KCNQ4: variants seen among roughly 807,000 people sequenced by gnomAD.
The protein encoded by KCNQ4 is potassium voltage-gated channel subfamily Q member 4, also known as potassium voltage-gated channel subfamily KQT member 4.
KCNQ4 carries 31 observed loss-of-function variants against 72.6 expected under a neutral mutation model. The observed-to-expected ratio is 0.43, with a 90% CI of 0.32 to 0.58. The LOEUF (loss-of-function observed/expected upper bound fraction) is 0.58. Among genes scored for constraint, KCNQ4 ranks in the 20% least tolerant of loss-of-function variants. The pLI, the probability that KCNQ4 is intolerant of heterozygous loss-of-function variation, is 0.08. For synonymous variants in KCNQ4, 405 were observed against 403.7 expected, an observed-to-expected ratio of 1.00 and a Z score of -0.04; for missense variants, 869 against 962.6, an observed-to-expected ratio of 0.90 and a Z score of 1.29.
chr1:40,837,685 G>T lies in KCNQ4; in HGVS notation c.1766G>T (p.Arg589Leu). The change falls in exon 13 of 14, where the codon CGG (arginine) becomes CTG (leucine). Residue 589 changes from arginine (R) to leucine (L), a missense_variant. This residue lies in a region of KCNQ4 where 480 missense variants were observed against 501.9 expected (regional missense o/e 0.96). Coordinates refer to ENST00000347132, the MANE Select transcript of KCNQ4 (RefSeq NM_004700.4). ...CTTAGGGTGGACCAAATTGTGGGTC[G>T]GGGGCCCGGGGACAGGAAGGCCCGG... is the stretch of plus-strand genomic sequence containing the variant. ...LQTRVDQIVG[R>L]GPGDRKAREK... The T allele has an allele frequency of 6.2e-7, 1 of 1,613,076 alleles. No individual in the cohort carries two copies. The highest frequency in any genetic ancestry group is 1.1e-5 in the South Asian group (1 of 90,902).
In KCNQ4 at chr1:40,815,539, A is replaced by T. The variant is rs569171794; in HGVS notation, c.315-1726A>T. 5.3e-5 allele frequency among the ~76,000 whole-genome samples: 8 copies of T among 152,196 alleles called. No individual in the cohort carries two copies. The South Asian group carries it at 1.2e-3, about 24-fold the overall frequency. On this transcript the variant is annotated intron_variant, in intron 1 of 13. Coordinates refer to ENST00000347132, the MANE Select transcript of KCNQ4 (RefSeq NM_004700.4). The stretch of plus-strand genomic sequence containing the variant: ...TTGTGATTAATTATTGAACATGAGG[A>T]GCTGGTGCTCTTCTCTTCTGTTCTC...
At chr1:40,820,121 C>A in intron 6 of KCNQ4, 44 bp from the exon 7 acceptor site, 1 of 1,564,470 alleles carries the variant, frequency 6.4e-7, no homozygotes. Flanking sequence ...CTTACTGCCC[C>A]ACCACTGCCA....
intron 1 of KCNQ4, among the ~76,000 whole-genome samples, chr1:40,800,032 T>C (rs1030718296): frequency 6.6e-6 from 1 of 152,114 alleles, no homozygotes; most frequent in African/African-American, 2.4e-5. Flanking sequence ...CTGTACATGG[T>C]CCTCCTTGCT....
chr1:40,820,824 C>T (rs145211743), intron 7 of KCNQ4, among the ~76,000 whole-genome samples: 2 of 152,290 alleles, frequency 1.3e-5, no homozygotes, highest in East Asian at 1.9e-4. Flanking sequence ...TCCCTCTGTG[C>T]CATGGCGTGT....
chr1:40,807,265 A>G (rs1570815192), intron 1 of KCNQ4, among the ~76,000 whole-genome samples: 1 of 151,394 alleles, frequency 6.6e-6, no homozygotes, highest in African/African-American at 2.4e-5. Flanking sequence ...TCTCCTTTCT[A>G]CCCCACTGCT....
At chr1:40,802,804 C>A (rs1647624818) in intron 1 of KCNQ4, among the ~76,000 whole-genome samples, 1 of 152,188 alleles carries the variant, frequency 6.6e-6, no homozygotes, top group African/African-American at 2.4e-5. Flanking sequence ...CAGGGGAGAC[C>A]CCTGCCTCCA....
In KCNQ4 at chr1:40,784,535, C is replaced by T; in HGVS notation, c.314+128C>T. The T allele has an allele frequency of 2.3e-6, 2 of 875,878 alleles. No homozygotes were observed. Among genetic ancestry groups the T allele is most frequent in the Non-Finnish European group, 3.7e-6 (2 of 541,880 alleles). The allele number at this position is 875,878 out of a possible 1,614,324, so 54.3% of individuals were successfully genotyped here. A position where few individuals can be genotyped will look rare whatever the true frequency, so the allele number is the denominator to read the frequency against. Reference sequence around the variant, plus strand: ...GGGCCGACCCTCATCTCTCTCCCCCCAGGCCTAAGCCCGGTTTCTGATCCC... The same window carrying T: ...GGGCCGACCCTCATCTCTCTCCCCCTAGGCCTAAGCCCGGTTTCTGATCCC... On this transcript the variant is annotated intron_variant, in intron 1 of 13. Coordinates refer to ENST00000347132, the MANE Select transcript of KCNQ4 (RefSeq NM_004700.4). This position sits in a 1 kb window ranked among gnomAD's most constrained non-coding sequence, Gnocchi z 4.1.
chr1:40,836,172 G>A (rs1169330809), intron 12 of KCNQ4, among the ~76,000 whole-genome samples: 1 of 152,184 alleles, frequency 6.6e-6, no homozygotes, highest in African/African-American at 2.4e-5. Flanking sequence ...GAGACCGTGG[G>A]GACTTGGAAC....
Position 40,788,335 on chromosome 1 carries a change from G to A in KCNQ4, c.314+3928G>A, listed in dbSNP as rs1437677580. Among the ~76,000 whole-genome samples, 1 of 152,182 alleles carries A rather than the reference G, an allele frequency of 6.6e-6. No individual in the cohort carries two copies. The highest frequency in any genetic ancestry group is 2.4e-5 in the African/African-American group (1 of 41,424). On this transcript the variant is annotated intron_variant, in intron 1 of 13. Transcript: ENST00000347132. The surrounding 1 kb of genome is among the most constrained non-coding windows in gnomAD (Gnocchi z 4.5). The stretch of plus-strand genomic sequence containing the variant: ...CAGAGACCTCAGCTGGGCTAGGCCA[G>A]GGCAGAGAGTTGAAATTGCTCCTGC...
chr1:40,793,004 C>CTTTTTTTTT (rs10549805), intron 1 of KCNQ4, among the ~76,000 whole-genome samples: 2 of 109,068 alleles, frequency 1.8e-5, no homozygotes, highest in African/African-American at 3.7e-5. Flanking sequence ...TTCTTTCTTT[C>CTTTTTTTTT]TTTTTTTTTT....
chr1:40,816,811 C>T (rs993967474), intron 1 of KCNQ4, among the ~76,000 whole-genome samples: 1 of 152,238 alleles, frequency 6.6e-6, no homozygotes, highest in South Asian at 2.1e-4. Flanking sequence ...CAGGCTCCTG[C>T]CACTTTGGAG....
chr1:40,787,901 A>G (rs1266622230), intron 1 of KCNQ4, among the ~76,000 whole-genome samples: 2 of 151,834 alleles, frequency 1.3e-5, no homozygotes, highest in African/African-American at 4.8e-5. Flanking sequence ...GCAAGACCCT[A>G]TCTCCCTTCA....
chr1:40,832,894 C>T, intron 10 of KCNQ4, 120 bp from the exon 11 acceptor site: 1 of 770,318 alleles, frequency 1.3e-6, no homozygotes, highest in Non-Finnish European at 2.3e-6. Flanking sequence ...GGTTCTGAGC[C>T]CTTTCTGGGC....
Position 40,838,935 on chromosome 1 carries a change from C to T in KCNQ4, c.*412C>T. 1 of 288,854 alleles carries T rather than the reference C, an allele frequency of 3.5e-6. No homozygotes were observed. Among genetic ancestry groups the T allele is most frequent in the South Asian group, 3.9e-5 (1 of 25,744 alleles). The allele number at this position is 288,854 out of a possible 1,614,324, so 17.9% of individuals were successfully genotyped here. A position where few individuals can be genotyped will look rare whatever the true frequency, so the allele number is the denominator to read the frequency against. ...CACCCTTCGGACACAGCAGGGAAGC[C>T]CTCCCGCCAAGTCCCCGCCCCACTT... is the stretch of plus-strand genomic sequence containing the variant. On this transcript the variant is annotated 3_prime_UTR_variant, in exon 14 of 14. Coordinates refer to ENST00000347132, the MANE Select transcript of KCNQ4 (RefSeq NM_004700.4).
At chr1:40,805,631 TG>T (rs1557999930) in intron 1 of KCNQ4, among the ~76,000 whole-genome samples, 1 of 123,710 alleles carries the variant, frequency 8.1e-6, no homozygotes, top group Non-Finnish European at 1.8e-5. Flanking sequence ...TGAGTAAAGG[TG>T]GGGAGGGGAA....
chr1:40,802,376 T>C (rs1647605658), intron 1 of KCNQ4, among the ~76,000 whole-genome samples: 1 of 152,124 alleles, frequency 6.6e-6, no homozygotes, highest in African/African-American at 2.4e-5. Context: ...CAATTGTTAA[T>C]TTGGAAACGG....
In KCNQ4 at chr1:40,824,159, A is replaced by G. The variant is rs773975779; in HGVS notation, c.1193A>G (p.Glu398Gly). 56 of 1,570,100 alleles carry G rather than the reference A, an allele frequency of 3.6e-5. No individual in the cohort carries two copies. Among genetic ancestry groups the G allele is most frequent in the Non-Finnish European group, 4.6e-5 (53 of 1,158,610 alleles). ...CGCAATGGGGGCCTACGGCCCCTGG[A>G]GGTGCGGCGGGCGCCGGTACCCGAC... Reference protein sequence around the residue: ...RARNGGLRPLEVRRAPVPDGA... With the variant: ...RARNGGLRPLGVRRAPVPDGA... The change falls in exon 9 of 14, where the codon GAG becomes GGG. Residue 398 changes from glutamate to glycine, a missense_variant. By Grantham distance (98) the Glu-to-Gly change is moderately conservative. Around this residue, in one of 5 missense-constraint regions of KCNQ4, gnomAD observed 480 missense variants for 501.9 expected, o/e 0.96. Transcript: ENST00000347132.
chr1:40,838,408 C>G lies in KCNQ4; in HGVS notation c.1973C>G (p.Pro658Arg). ...GCCAGCCTGGGCGCCGTGCAAGTGC[C>G]GCTGTTCGACCCCGACATCACCTCC... is the stretch of plus-strand genomic sequence containing the variant. ...TSASLGAVQV[P>R]LFDPDITSDY... Residue 658 changes from proline to arginine, a missense_variant, in exon 14 of 14, where the codon CCG (proline) becomes CGG (arginine). Coordinates refer to ENST00000347132, the MANE Select transcript of KCNQ4 (RefSeq NM_004700.4). 6 of 1,614,134 alleles carry G rather than the reference C, an allele frequency of 3.7e-6. No homozygotes were observed. The highest frequency in any genetic ancestry group is 1.3e-5 in the African/African-American group (1 of 75,060).
intron 10 of KCNQ4, among the ~76,000 whole-genome samples, 196 bp downstream of exon 10, chr1:40,831,500 T>C (rs1648646303): frequency 6.6e-6 from 1 of 152,168 alleles, no homozygotes. Flanking sequence ...ATCAGACTGT[T>C]TGGGAATCAC....
Sources: gnomAD v4.1 joint callset for allele counts (sites outside exome capture counted in the v4.1 genomes callset) on GRCh38, gnomAD v4.1.1 for gene constraint, gnomAD v4.1.1 regional missense constraint, Gnocchi (gnomAD v3.1) non-coding constraint, MANE v1.5 for transcripts, NCBI Gene and HGNC (gene_info 2026-07-23, HGNC 2026-07-21) for gene names.